Variants in CPQ observed in about 807,000 individuals in gnomAD.
CPQ encodes the protein Ser-Met dipeptidase.
A neutral mutation model predicts 45.7 loss-of-function variants in CPQ; 37 were observed. The observed-to-expected ratio is 0.81, with a 90% CI of 0.62 to 1.07. The LOEUF (loss-of-function observed/expected upper bound fraction) is 1.07. Among genes scored for constraint, CPQ ranks in the 50% least tolerant of loss-of-function variants. The pLI is 0.00. For missense variants in CPQ, 537 were observed against 572.9 expected (o/e 0.94, Z 0.64); for synonymous variants, 186 against 205.8 (o/e 0.90, Z 0.82).
chr8:96,940,181 ATAAT>A (rs1813106217), intron 4 of CPQ, among the ~76,000 whole-genome samples: 2 of 152,148 alleles, frequency 1.3e-5, no homozygotes, highest in African/African-American at 2.4e-5. Flanking sequence ...ATATTTAAAA[ATAAT>A]TAATACATTA....
At chr8:96,982,833 G>A (rs1289419095) in intron 5 of CPQ, among the ~76,000 whole-genome samples, 1 of 152,182 alleles carries the variant, frequency 6.6e-6, no homozygotes, top group East Asian at 1.9e-4. Flanking sequence ...AAGGGACTAA[G>A]ACTGATAATC....
At chr8:96,935,024 C>T (rs1438933362) in intron 4 of CPQ, among the ~76,000 whole-genome samples, 1 of 152,130 alleles carries the variant, frequency 6.6e-6, no homozygotes, top group Non-Finnish European at 1.5e-5. Flanking sequence ...CGTCAAACAC[C>T]TAGAGAAACT....
intron 4 of CPQ, among the ~76,000 whole-genome samples, chr8:96,935,123 G>A (rs1409302748): frequency 1.3e-5 from 2 of 152,124 alleles, no homozygotes; most frequent in Admixed American, 6.5e-5. Context: ...TCAGGTGTTT[G>A]CCTCTCCTTC....
At chr8:97,033,072 C>G (rs1367448780) in intron 6 of CPQ, among the ~76,000 whole-genome samples, 1 of 151,638 alleles carries the variant, frequency 6.6e-6, no homozygotes, top group Non-Finnish European at 1.5e-5. Flanking sequence ...GGGACAGCAG[C>G]TCCCCTTTAG....
chr8:97,126,646 C>T (rs956205244), intron 7 of CPQ, among the ~76,000 whole-genome samples: 6 of 151,792 alleles, frequency 4.0e-5, no homozygotes, highest in Non-Finnish European at 4.4e-5. Context: ...AAAATAACAT[C>T]AAAGAACATG....
chr8:97,074,364 G>A (rs1028395431), intron 7 of CPQ, among the ~76,000 whole-genome samples: 1 of 152,182 alleles, frequency 6.6e-6, no homozygotes, highest in African/African-American at 2.4e-5. Flanking sequence ...GAAGTTTTTG[G>A]TATAGTACCA....
At chr8:96,910,844 T>G (rs1348894990) in intron 4 of CPQ, among the ~76,000 whole-genome samples, 1 of 152,086 alleles carries the variant, frequency 6.6e-6, no homozygotes, top group Non-Finnish European at 1.5e-5. Flanking sequence ...TATTTTAAGT[T>G]GGAAATTCTG....
intron 5 of CPQ, among the ~76,000 whole-genome samples, chr8:97,027,445 T>A (rs1809822465): frequency 6.6e-6 from 1 of 152,180 alleles, no homozygotes; most frequent in Non-Finnish European, 1.5e-5. Flanking sequence ...AGCCCCAGGG[T>A]TGTCTTACAT....
chr8:96,658,840 C>T (rs1468647392), intron 1 of CPQ, among the ~76,000 whole-genome samples: 1 of 152,202 alleles, frequency 6.6e-6, no homozygotes, highest in African/African-American at 2.4e-5. Context: ...CTGAGGAAAG[C>T]AAGGAAATAG....
In CPQ at chr8:96,677,195, G is replaced by A. The variant is rs559005399; in HGVS notation, c.-35+31793G>A. Among the ~76,000 whole-genome samples, 11 of 152,176 alleles carry A rather than the reference G, an allele frequency of 7.2e-5. No homozygotes were observed. The East Asian group carries it at 1.4e-3, about 19-fold the overall frequency. On this transcript the variant is annotated intron_variant, in intron 1 of 7. Coordinates refer to ENST00000220763, the MANE Select transcript of CPQ (RefSeq NM_016134.4). Reference sequence around the variant, plus strand: ...TTCCTCTTGGTAGATATTCAGTAGCGGGATTGCTGGATCAAATGGTAGTTC... The same window carrying A: ...TTCCTCTTGGTAGATATTCAGTAGCAGGATTGCTGGATCAAATGGTAGTTC...
chr8:96,959,909 AAC>A (rs1554580087), intron 4 of CPQ, among the ~76,000 whole-genome samples: 45 of 151,414 alleles, frequency 3.0e-4, no homozygotes, highest in African/African-American at 1.0e-3. Context: ...AAAAAAAAAA[AAC>A]CAAAAACACC....
At chr8:96,781,327 G>T (rs377070475) in intron 1 of CPQ, among the ~76,000 whole-genome samples, 1 of 152,168 alleles carries the variant, frequency 6.6e-6, no homozygotes, top group Admixed American at 6.6e-5. Context: ...AGATTGAGGG[G>T]CCACATCTGG....
intron 7 of CPQ, among the ~76,000 whole-genome samples, chr8:97,098,529 G>A (rs1811247764): frequency 6.6e-6 from 1 of 152,070 alleles, no homozygotes; most frequent in Admixed American, 6.6e-5. Context: ...GAACACCCTA[G>A]AATTAATTTT....
intron 1 of CPQ, among the ~76,000 whole-genome samples, chr8:96,690,619 C>G (rs1809293420): frequency 6.6e-6 from 1 of 152,166 alleles, no homozygotes; most frequent in African/African-American, 2.4e-5. Flanking sequence ...TTGTTTTCTG[C>G]TGTAGCCATA....
chr8:96,981,080 A>G (rs545284644), intron 5 of CPQ, among the ~76,000 whole-genome samples: 1 of 152,314 alleles, frequency 6.6e-6, no homozygotes, highest in East Asian at 1.9e-4. Flanking sequence ...TGAGATACAG[A>G]AAAAAATCAA....
At chr8:96,872,691 A>G (rs565881774) in intron 3 of CPQ, among the ~76,000 whole-genome samples, 1 of 151,888 alleles carries the variant, frequency 6.6e-6, no homozygotes, top group South Asian at 2.1e-4. Context: ...AACAAAACCA[A>G]TAGGATGTGC....
intron 7 of CPQ, among the ~76,000 whole-genome samples, chr8:97,142,656 A>ACTC (rs1463797149): frequency 1.3e-5 from 2 of 152,202 alleles, no homozygotes; most frequent in Non-Finnish European, 2.9e-5. Context: ...GCTTGTTGAG[A>ACTC]GAGTTAGCAA....
At chr8:96,883,146 A>G (rs1378705029) in intron 4 of CPQ, among the ~76,000 whole-genome samples, 1 of 152,162 alleles carries the variant, frequency 6.6e-6, no homozygotes, top group Non-Finnish European at 1.5e-5. Flanking sequence ...CATTGTACAG[A>G]TATATGACAA....
At chr8:96,663,050 C>G (rs1808863967) in intron 1 of CPQ, among the ~76,000 whole-genome samples, 1 of 152,164 alleles carries the variant, frequency 6.6e-6, no homozygotes, top group Non-Finnish European at 1.5e-5. Flanking sequence ...CCTTTCAAGT[C>G]ATTTTTCCAA....
Sources: allele counts gnomAD v4.1 joint callset (sites outside exome capture counted in the v4.1 genomes callset), GRCh38; gene constraint gnomAD v4.1.1; transcripts MANE v1.5; gene names NCBI Gene and HGNC (gene_info 2026-07-23, HGNC 2026-07-21).